STK17B: variants seen among roughly 807,000 people sequenced by gnomAD.
STK17B encodes the protein serine/threonine-protein kinase 17B.
STK17B carries 21 observed loss-of-function variants against 42.0 expected under a neutral mutation model. That is an observed-to-expected ratio of 0.50 (90% CI 0.35 to 0.72). The LOEUF (loss-of-function observed/expected upper bound fraction) is 0.72. STK17B is among the 30% of genes least tolerant of loss of function. STK17B has a pLI of 0.00. For missense variants in STK17B, 349 were observed against 446.0 expected, an observed-to-expected ratio of 0.78 and a Z score of 1.96; for synonymous variants, 143 against 148.4, an observed-to-expected ratio of 0.96 and a Z score of 0.26.
chr2:196,141,040 C>T (rs1157928100), intron 6 of STK17B, among the ~76,000 whole-genome samples: 1 of 152,104 alleles, frequency 6.6e-6, no homozygotes, highest in Admixed American at 6.6e-5. Context: ...GAGAGATTTT[C>T]CTATTAATTT....
intron 3 of STK17B, among the ~76,000 whole-genome samples, chr2:196,148,713 C>T (rs1175493920): frequency 6.6e-6 from 1 of 152,100 alleles, no homozygotes; most frequent in Non-Finnish European, 1.5e-5. Flanking sequence ...TTAGGTAAGA[C>T]ATTTATTCTT....
chr2:196,138,334 A>G (rs1699439343), intron 7 of STK17B, among the ~76,000 whole-genome samples: 1 of 152,212 alleles, frequency 6.6e-6, no homozygotes. Flanking sequence ...CAGAGTTAAC[A>G]TATTTATTAA....
At chr2:196,165,460 T>C (rs984668423) in intron 1 of STK17B, 3 of 152,278 alleles carry the variant, frequency 2.0e-5, no homozygotes, top group African/African-American at 4.8e-5. Flanking sequence ...ATCTTATTAC[T>C]TGGTCATATT....
intron 5 of STK17B, among the ~76,000 whole-genome samples, chr2:196,141,630 G>A (rs886435946): frequency 6.6e-5 from 10 of 152,194 alleles, no homozygotes; most frequent in African/African-American, 1.9e-4. Context: ...CTGCACTCTA[G>A]CCTGGGCAAG....
At chr2:196,155,883 T>C (rs1362068614) in intron 3 of STK17B, among the ~76,000 whole-genome samples, 1 of 152,264 alleles carries the variant, frequency 6.6e-6, no homozygotes, top group East Asian at 1.9e-4. Flanking sequence ...GCAAGAGATA[T>C]ATTTATTATT....
In STK17B at chr2:196,163,285, TA is replaced by T; in HGVS notation, c.98del (p.Ile33AsnfsTer7). ...IKMENFNNFY[I>X]LTSKELGRGK... is the part of the protein sequence containing the mutation. The stretch of plus-strand genomic sequence containing the variant: ...ACCTCCCTAGCTCTTTAGATGTAAG[TA>T]TATAGAAATTATTAAAGTTTTCCAT... On this transcript the variant is annotated frameshift_variant, in exon 2 of 8. Transcript: ENST00000263955. LOFTEE classifies it high-confidence loss of function. The T allele has an allele frequency of 6.2e-7, 1 of 1,608,576 alleles. No individual in the cohort carries two copies. The highest frequency in any genetic ancestry group is 8.5e-7 in the Non-Finnish European group (1 of 1,178,474).
Position 196,143,542 on chromosome 2 carries a change from A to C in STK17B, c.607+18T>G. 1 of 1,585,600 alleles carries C rather than the reference A, an allele frequency of 6.3e-7. No individual in the cohort carries two copies. The highest frequency in any genetic ancestry group is 8.5e-7 in the Non-Finnish European group (1 of 1,169,810). ...AATAAATTTCAAAATGGTATAGAAA[A>C]TAAAAGGAAATTCTTACCTAAATAT... is the stretch of plus-strand genomic sequence containing the variant. On this transcript the variant is annotated intron_variant, in intron 5 of 7. Coordinates refer to ENST00000263955, the MANE Select transcript of STK17B (RefSeq NM_004226.4).
intron 1 of STK17B, among the ~76,000 whole-genome samples, chr2:196,167,965 AC>A (rs1406474005): frequency 2.6e-5 from 4 of 152,224 alleles, no homozygotes; most frequent in Non-Finnish European, 5.9e-5. Context: ...TAAAGGAAGA[AC>A]TTTCTCCTGG....
intron 5 of STK17B, among the ~76,000 whole-genome samples, chr2:196,142,889 AG>A (rs1421487892): frequency 1.3e-5 from 2 of 152,264 alleles, no homozygotes. Context: ...AAAAGAAAAA[AG>A]ATTATAAGTT....
chr2:196,145,240 G>T (rs927636331), intron 4 of STK17B, among the ~76,000 whole-genome samples: 1 of 151,766 alleles, frequency 6.6e-6, no homozygotes, highest in Admixed American at 6.6e-5. Flanking sequence ...GGAGATTTTT[G>T]AATTATTATT....
Position 196,137,109 on chromosome 2 carries a change from C to T in STK17B, c.*338G>A, listed in dbSNP as rs1699416802. 1 of 236,142 alleles carries T rather than the reference C, an allele frequency of 4.2e-6. No homozygotes were observed. Among genetic ancestry groups the T allele is most frequent in the African/African-American group, 2.3e-5 (1 of 42,994 alleles). The allele number at this position is 236,142 out of a possible 1,614,324, so 14.6% of individuals were successfully genotyped here. On this transcript the variant is annotated 3_prime_UTR_variant, in exon 8 of 8. Coordinates refer to ENST00000263955, the MANE Select transcript of STK17B (RefSeq NM_004226.4). ...TGTCTTCACTGTGTTCAGTTTACAC[C>T]AACTATAATAAAACTCAAGCCACTT... is the stretch of plus-strand genomic sequence containing the variant.
chr2:196,162,290 G>C (rs1222140942), intron 2 of STK17B, among the ~76,000 whole-genome samples: 2 of 152,060 alleles, frequency 1.3e-5, no homozygotes, highest in African/African-American at 4.8e-5. Flanking sequence ...AAAACAATTT[G>C]TAAAGGCTTT....
chr2:196,143,466 G>A, intron 5 of STK17B, 94 bp downstream of exon 5: 1 of 1,226,482 alleles, frequency 8.2e-7, no homozygotes, highest in Non-Finnish European at 1.1e-6. Context: ...CCTTTTAACT[G>A]AATCGAATTA....
intron 2 of STK17B, among the ~76,000 whole-genome samples, chr2:196,157,711 T>C (rs946944076): frequency 6.6e-6 from 1 of 152,224 alleles, no homozygotes; most frequent in African/African-American, 2.4e-5. Context: ...GAAATAAGTA[T>C]GCTTTTAGCT....
rs997594334 is a variant in STK17B at position 196,155,588 on chromosome 2, T to C, written c.335+851A>G. On this transcript the variant is annotated intron_variant, in intron 3 of 7. Coordinates refer to ENST00000263955, the MANE Select transcript of STK17B (RefSeq NM_004226.4). ...CATTTTTTACTAAAATAAACACTTA[T>C]CTCTTCTTGGTTTATCATAAAATAT... Among the ~76,000 whole-genome samples, 3 of 152,214 alleles carry C rather than the reference T, an allele frequency of 2.0e-5. No individual in the cohort carries two copies. The South Asian group carries it at 6.2e-4, about 32-fold the overall frequency.
intron 1 of STK17B, among the ~76,000 whole-genome samples, chr2:196,165,214 G>C (rs1206381199): frequency 1.3e-5 from 2 of 152,132 alleles, no homozygotes; most frequent in African/African-American, 2.4e-5. Context: ...ACAGAGGAAA[G>C]ACTATGTGAA....
intron 1 of STK17B, among the ~76,000 whole-genome samples, chr2:196,167,274 G>A (rs2105715246): frequency 6.6e-6 from 1 of 152,302 alleles, no homozygotes; most frequent in East Asian, 1.9e-4. Flanking sequence ...TTGCAATTCT[G>A]TTCAGTGTTT....
Position 196,143,547 on chromosome 2 carries a change from A to T in STK17B, c.607+13T>A. On this transcript the variant is annotated intron_variant, in intron 5 of 7. Transcript: ENST00000263955. The stretch of plus-strand genomic sequence containing the variant: ...ATTTCAAAATGGTATAGAAAATAAA[A>T]GGAAATTCTTACCTAAATATTCTGG... The T allele has an allele frequency of 5.7e-6, 9 of 1,587,706 alleles. No homozygotes were observed. The highest frequency in any genetic ancestry group is 7.7e-6 in the Non-Finnish European group (9 of 1,170,924).
intron 5 of STK17B, among the ~76,000 whole-genome samples, chr2:196,142,453 A>T (rs1261410765): frequency 2.7e-5 from 4 of 148,118 alleles, no homozygotes; most frequent in Non-Finnish European, 4.5e-5. Context: ...TTCACTTGCC[A>T]AAAAAAAAAG....
Sources: allele counts gnomAD v4.1 joint callset (sites outside exome capture counted in the v4.1 genomes callset), GRCh38; gene constraint gnomAD v4.1.1; transcripts MANE v1.5; gene names NCBI Gene and HGNC (gene_info 2026-07-23, HGNC 2026-07-21).